ANO4: variants seen among roughly 807,000 people sequenced by gnomAD.
ANO4 encodes the protein anoctamin-4.
ANO4 carries 69 observed loss-of-function variants against 141.9 expected under a neutral mutation model. The ratio of observed to expected loss-of-function variants is 0.49; its 90% CI spans 0.40 to 0.59. The LOEUF (loss-of-function observed/expected upper bound fraction) is 0.59, where lower values mean the gene tolerates loss of function less well. ANO4 is among the 20% of genes least tolerant of loss of function. The pLI, the probability that ANO4 is intolerant of heterozygous loss-of-function variation, is 0.00. For missense variants in ANO4, 894 were observed against 1,162.2 expected (o/e 0.77, Z 3.36); for synonymous variants, 350 against 394.3 (o/e 0.89, Z 1.33).
rs1245086633 is a variant in ANO4 at position 100,957,611 on chromosome 12, T to G, written c.457-13695T>G. ...TTTAATTTATTATTTTTATTTCTTCTGACAGAGTCTGCTCTGTTGCCCAGG... is the reference window on the plus strand; with the variant it reads ...TTTAATTTATTATTTTTATTTCTTCGGACAGAGTCTGCTCTGTTGCCCAGG... On this transcript the variant is annotated intron_variant, in intron 5 of 27. Coordinates refer to ENST00000392977, the MANE Select transcript of ANO4 (RefSeq NM_001286615.2). Among the ~76,000 whole-genome samples the G allele has an allele frequency of 4.6e-5, 7 of 152,298 alleles. No individual in the cohort carries two copies. The East Asian group carries it at 1.4e-3, about 29-fold the overall frequency.
chr12:100,726,694 T>C (rs1181449150), intron 1 of ANO4, among the ~76,000 whole-genome samples: 2 of 152,180 alleles, frequency 1.3e-5, no homozygotes, highest in Non-Finnish European at 2.9e-5. Context: ...TAGAGAACAG[T>C]AGTTGGTGCT....
chr12:100,725,881 G>T (rs998423510), intron 1 of ANO4, among the ~76,000 whole-genome samples: 1 of 152,170 alleles, frequency 6.6e-6, no homozygotes, highest in East Asian at 1.9e-4. Context: ...CTTTCTAGTT[G>T]TGTGATGAAG....
intron 2 of ANO4, among the ~76,000 whole-genome samples, chr12:100,917,320 T>A (rs1435986163): frequency 2.0e-5 from 3 of 152,192 alleles, no homozygotes; most frequent in Non-Finnish European, 4.4e-5. Flanking sequence ...TGGGGCTGTA[T>A]TTTAAAGAAT....
intron 1 of ANO4, among the ~76,000 whole-genome samples, chr12:100,809,232 C>G (rs910394273): frequency 6.6e-6 from 1 of 152,032 alleles, no homozygotes; most frequent in Non-Finnish European, 1.5e-5. Context: ...ACTAAAGATA[C>G]AAGAATTAGC....
chr12:100,965,227 C>T (rs2043599802), intron 5 of ANO4, among the ~76,000 whole-genome samples: 1 of 152,128 alleles, frequency 6.6e-6, no homozygotes, highest in Admixed American at 6.6e-5. Context: ...TTCCCCAGGC[C>T]AAATAACCTC....
intron 1 of ANO4, among the ~76,000 whole-genome samples, chr12:100,808,533 C>A (rs1401203006): frequency 1.3e-5 from 2 of 152,082 alleles, no homozygotes; most frequent in Non-Finnish European, 2.9e-5. Flanking sequence ...GGTATATGTT[C>A]CCATTTATTC....
Position 100,941,261 on chromosome 12 carries a change from C to T in ANO4, c.298-1116C>T, listed in dbSNP as rs548700885. Reference sequence around the variant, plus strand: ...CTGAACTAGAATATTCCTAAAACCACGGAAGCTACTTTCAATCCCATACCT... The same window carrying T: ...CTGAACTAGAATATTCCTAAAACCATGGAAGCTACTTTCAATCCCATACCT... On this transcript the variant is annotated intron_variant, in intron 4 of 27. Coordinates refer to ENST00000392977, the MANE Select transcript of ANO4 (RefSeq NM_001286615.2). Among the ~76,000 whole-genome samples, 13 of 151,744 alleles carry T rather than the reference C, an allele frequency of 8.6e-5. 1 individual carries two copies. The South Asian group carries it at 1.3e-3, about 15-fold the overall frequency.
chr12:100,818,626 G>A (rs2035861556), intron 1 of ANO4, among the ~76,000 whole-genome samples: 1 of 151,924 alleles, frequency 6.6e-6, no homozygotes, highest in Admixed American at 6.6e-5. Context: ...CTAAGATTCA[G>A]ATCATTTAGC....
At chr12:101,056,957 A>G (rs1260486971) in intron 14 of ANO4, among the ~76,000 whole-genome samples, 1 of 131,090 alleles carries the variant, frequency 7.6e-6, no homozygotes, top group Non-Finnish European at 1.6e-5. Flanking sequence ...TGCACCCTTC[A>G]AATCGTCATC....
chr12:100,971,850 C>CT (rs1004346911), intron 6 of ANO4, among the ~76,000 whole-genome samples: 5 of 138,332 alleles, frequency 3.6e-5, no homozygotes, highest in African/African-American at 1.5e-4. Flanking sequence ...GTGTGATCTT[C>CT]TTTTTAAAAA....
intron 24 of ANO4, among the ~76,000 whole-genome samples, chr12:101,115,379 G>GTAT (rs2050813055): frequency 6.6e-6 from 1 of 151,994 alleles, no homozygotes; most frequent in South Asian, 2.1e-4. Flanking sequence ...TTTGAGCCTG[G>GTAT]GAGGTCAAAG....
intron 5 of ANO4, among the ~76,000 whole-genome samples, chr12:100,951,382 A>G (rs796570834): frequency 1.4e-4 from 22 of 152,312 alleles, no homozygotes; most frequent in African/African-American, 5.3e-4. Flanking sequence ...ACACATACAC[A>G]TGTATGTTCG....
At chr12:100,902,475 G>A (rs1312261958) in intron 2 of ANO4, among the ~76,000 whole-genome samples, 6 of 152,138 alleles carry the variant, frequency 3.9e-5, no homozygotes, top group Non-Finnish European at 8.8e-5. Flanking sequence ...GCATTGTTTT[G>A]GGTTCAAGGA....
chr12:100,751,965 C>T (rs937657622), intron 3 of ANO4, among the ~76,000 whole-genome samples: 3 of 152,168 alleles, frequency 2.0e-5, no homozygotes, highest in Non-Finnish European at 4.4e-5. Context: ...AAAGACCTGG[C>T]TTGTCTTCTC....
At position 101,120,640 on chromosome 12, in the gene ANO4, C is replaced by T. The variant is rs373771416; in HGVS notation, c.2676+15C>T. On this transcript the variant is annotated intron_variant, in intron 26 of 27. Transcript: ENST00000392977. ...TTGTCTTTGAGGTAAGTTTCCTCAG[C>T]CAAATTCTTTATTTCCTTTGACATA... The T allele has an allele frequency of 1.9e-5, 31 of 1,593,794 alleles. No individual in the cohort carries two copies. In the African/African-American group the frequency reaches 3.8e-4, roughly 19 times the overall value.
At chr12:100,741,424 G>C (rs1040770881) in intron 3 of ANO4, among the ~76,000 whole-genome samples, 3 of 152,178 alleles carry the variant, frequency 2.0e-5, no homozygotes, top group Non-Finnish European at 4.4e-5. Context: ...TAAAAATGAA[G>C]ATTCCTGGGT....
intron 7 of ANO4, among the ~76,000 whole-genome samples, chr12:100,980,737 A>G (rs1045465247): frequency 2.6e-5 from 4 of 152,220 alleles, no homozygotes; most frequent in African/African-American, 4.8e-5. Flanking sequence ...AAGCATACTC[A>G]TGTAGTTCAG....
intron 1 of ANO4, among the ~76,000 whole-genome samples, chr12:100,818,881 C>A (rs1055421885): frequency 2.0e-5 from 3 of 151,846 alleles, no homozygotes; most frequent in Non-Finnish European, 4.4e-5. Context: ...CAGGTCCTAA[C>A]AAGAAAGAAT....
At chr12:100,896,606 T>C (rs2672502) in intron 1 of ANO4, among the ~76,000 whole-genome samples, 113,190 of 152,152 alleles carry the variant, frequency 0.74, 42,867 homozygotes, top group East Asian at 0.89. Context: ...TTGTTTGAAC[T>C]CATCCTGGTT....
Sources: allele counts gnomAD v4.1 joint callset (sites outside exome capture counted in the v4.1 genomes callset), GRCh38; gene constraint gnomAD v4.1.1; transcripts MANE v1.5; gene names NCBI Gene and HGNC (gene_info 2026-07-23, HGNC 2026-07-21).